Variants in HPSE2 observed in about 807,000 individuals in gnomAD.
HPSE2 encodes inactive heparanase-2.
HPSE2 carries 38 observed loss-of-function variants against 60.5 expected under a neutral mutation model. The observed-to-expected ratio is 0.63, with a 90% CI of 0.48 to 0.82. The LOEUF is 0.82. HPSE2 is among the 40% of genes least tolerant of loss of function. HPSE2 has a pLI of 0.00. For missense variants in HPSE2, 713 were observed against 740.4 expected, an observed-to-expected ratio of 0.96 and a Z score of 0.43; for synonymous variants, 295 against 293.2, an observed-to-expected ratio of 1.01 and a Z score of -0.06.
At chr10:98,827,910 A>C (rs1411011324) in intron 3 of HPSE2, among the ~76,000 whole-genome samples, 1 of 152,200 alleles carries the variant, frequency 6.6e-6, no homozygotes, top group African/African-American at 2.4e-5. Flanking sequence ...TTAACATTTA[A>C]ATCAGTAGAC....
At chr10:98,803,995 C>T (rs1950981153) in intron 3 of HPSE2, among the ~76,000 whole-genome samples, 1 of 151,866 alleles carries the variant, frequency 6.6e-6, no homozygotes, top group Admixed American at 6.6e-5. Context: ...TCTTTTATTT[C>T]ATTGAGCAGT....
At chr10:98,591,818 G>A (rs974412411) in intron 9 of HPSE2, among the ~76,000 whole-genome samples, 42 of 152,172 alleles carry the variant, frequency 2.8e-4, no homozygotes, top group African/African-American at 9.6e-4. Context: ...ATGTATCAGC[G>A]CACGTATAAC....
At chr10:98,769,757 A>C (rs1950202207) in intron 3 of HPSE2, among the ~76,000 whole-genome samples, 1 of 152,190 alleles carries the variant, frequency 6.6e-6, no homozygotes. Flanking sequence ...TACTGAGTAT[A>C]ATCAAAGCTG....
chr10:99,072,974 A>G (rs1842847001), intron 3 of HPSE2, among the ~76,000 whole-genome samples: 2 of 149,090 alleles, frequency 1.3e-5, no homozygotes, highest in Admixed American at 1.3e-4. Context: ...GACAAGAAAC[A>G]ACAGATGCTG....
At chr10:98,504,222 G>A (rs890678653) in intron 9 of HPSE2, among the ~76,000 whole-genome samples, 1 of 152,082 alleles carries the variant, frequency 6.6e-6, no homozygotes, top group East Asian at 1.9e-4. Flanking sequence ...GCAAGAGGTT[G>A]TCTCAAGTTT....
At chr10:99,131,804 C>A (rs1481792569) in intron 3 of HPSE2, among the ~76,000 whole-genome samples, 1 of 151,894 alleles carries the variant, frequency 6.6e-6, no homozygotes, top group Non-Finnish European at 1.5e-5. Context: ...GATGAGTGCA[C>A]CAAAATCTCA....
At chr10:99,285,499 G>GGAGGGAGA in the HPSE2 span, among the ~76,000 whole-genome samples, 1 of 115,676 alleles carries the variant, frequency 8.6e-6, no homozygotes, top group African/African-American at 3.3e-5. Flanking sequence ...AGGGAGGGAG[G>GGAGGGAGA]GAAAGGAAAG....
intron 6 of HPSE2, among the ~76,000 whole-genome samples, chr10:98,659,062 A>G (rs1947154993): frequency 6.6e-6 from 1 of 152,162 alleles, no homozygotes; most frequent in Non-Finnish European, 1.5e-5. Context: ...CTAAAAGGAA[A>G]TCCTATATCC....
At chr10:98,762,157 C>T (rs878994365) in intron 3 of HPSE2, among the ~76,000 whole-genome samples, 2 of 151,882 alleles carry the variant, frequency 1.3e-5, no homozygotes, top group South Asian at 4.2e-4. Flanking sequence ...ACTTGTCTCT[C>T]TGCACAGAAG....
chr10:99,310,224 G>T, the HPSE2 span, among the ~76,000 whole-genome samples: 1 of 152,132 alleles, frequency 6.6e-6, no homozygotes, highest in Non-Finnish European at 1.5e-5. Context: ...AATTACATCT[G>T]CAAAGATCTT....
chr10:98,566,587 C>T (rs546147), intron 9 of HPSE2, among the ~76,000 whole-genome samples: 135,827 of 152,228 alleles, frequency 0.89, 62,232 homozygotes, highest in East Asian at 1. Context: ...TTTCATAGCA[C>T]GTAGATTTTC....
rs1476186006 is a variant in HPSE2, at chr10:98,860,777, C to G, written c.611-116721G>C. ...TTAAAATGCCAATTTTTTCATAAAG[C>G]CTTTTTCCAAGATTCCCCATGCCCA... is the stretch of plus-strand genomic sequence containing the variant. On this transcript the variant is annotated intron_variant, in intron 3 of 11. Coordinates refer to ENST00000370552, the MANE Select transcript of HPSE2 (RefSeq NM_021828.5). Among the ~76,000 whole-genome samples, 3 of 152,152 alleles carry G rather than the reference C, an allele frequency of 2.0e-5. No individual in the cohort carries two copies. The East Asian group carries it at 5.8e-4, about 29-fold the overall frequency.
chr10:98,677,230 C>A (rs1173852327), intron 6 of HPSE2, among the ~76,000 whole-genome samples: 1 of 152,236 alleles, frequency 6.6e-6, no homozygotes. Context: ...ACATCTATCA[C>A]AGTGCCTGCA....
rs1465480161 is a variant in HPSE2, at chr10:98,614,946, A to G, written c.1278T>C (p.His426=). ...TCTGGTCCACGAGGTGATTGTATCCATGGTCAAAAAATGAGTGCCGTATCA... is the reference window on the plus strand; with the variant it reads ...TCTGGTCCACGAGGTGATTGTATCCGTGGTCAAAAAATGAGTGCCGTATCA... The part of the protein sequence containing the change: ...DVVIRHSFFD[H]GYNHLVDQNF... The change falls in exon 9 of 12, where the codon CAT becomes CAC. Residue 426 remains histidine (H), a synonymous_variant. Transcript: ENST00000370552. The G allele has an allele frequency of 1.2e-6, 2 of 1,614,114 alleles. No individual in the cohort carries two copies. The highest frequency in any genetic ancestry group is 1.7e-6 in the Non-Finnish European group (2 of 1,179,970).
Position 98,959,359 on chromosome 10 carries a change from A to G in HPSE2, c.610+184879T>C, listed in dbSNP as rs78395403. On this transcript the variant is annotated intron_variant, in intron 3 of 11. Transcript: ENST00000370552. ...AGTTTCTTGTCAAAACTATCTCTGGAAAAAAAAAAAAAAAAAAAAAGGCCA... is the reference window on the plus strand; with the variant it reads ...AGTTTCTTGTCAAAACTATCTCTGGGAAAAAAAAAAAAAAAAAAAAGGCCA... 1.0e-4 allele frequency among the ~76,000 whole-genome samples: 10 copies of G among 98,472 alleles called. No homozygotes were observed. The East Asian group carries it at 1.1e-3, about 10-fold the overall frequency. The allele number at this position is 98,472 out of a possible 152,430, so 64.6% of individuals were successfully genotyped here.
At chr10:98,493,574 T>G (rs1941731155) in intron 9 of HPSE2, among the ~76,000 whole-genome samples, 1 of 152,200 alleles carries the variant, frequency 6.6e-6, no homozygotes, top group Non-Finnish European at 1.5e-5. Context: ...CTTTTAAAAT[T>G]TAAAATCTAT....
intron 3 of HPSE2, among the ~76,000 whole-genome samples, chr10:98,772,371 C>A (rs987598163): frequency 1.9e-4 from 29 of 152,132 alleles, no homozygotes; most frequent in African/African-American, 6.3e-4. Flanking sequence ...AGTCCTGATC[C>A]TTTGCTAGTT....
chr10:99,092,813 C>CA (rs1026000949), intron 3 of HPSE2, among the ~76,000 whole-genome samples: 2 of 152,004 alleles, frequency 1.3e-5, no homozygotes, highest in Non-Finnish European at 2.9e-5. Context: ...TAGTAGACAT[C>CA]AAAAAAATAA....
At chr10:98,869,500 A>T (rs1470598189) in intron 3 of HPSE2, among the ~76,000 whole-genome samples, 1 of 152,096 alleles carries the variant, frequency 6.6e-6, no homozygotes, top group Non-Finnish European at 1.5e-5. Flanking sequence ...CCTTTATGTT[A>T]TGGCCTCATA....
Sources: gnomAD v4.1 joint callset for allele counts (sites outside exome capture counted in the v4.1 genomes callset) on GRCh38, gnomAD v4.1.1 for gene constraint, MANE v1.5 for transcripts, NCBI Gene and HGNC (gene_info 2026-07-23, HGNC 2026-07-21) for gene names.